CREBBP: variants seen among roughly 807,000 people sequenced by gnomAD.
The protein encoded by CREBBP is CREB-binding protein.
In CREBBP, 19 loss-of-function variants were observed where a neutral mutation model predicts 265.0. The ratio of observed to expected loss-of-function variants is 0.07; its 90% CI spans 0.05 to 0.11. The LOEUF (loss-of-function observed/expected upper bound fraction) is 0.11, where lower values mean the gene tolerates loss of function less well. Ranked by LOEUF, CREBBP falls within the 10% of genes least tolerant of loss-of-function variation. CREBBP has a pLI of 1.00. For missense variants in CREBBP, 2,525 were observed against 3,219.0 expected (o/e 0.78, Z 5.22); for synonymous variants, 1,457 against 1,223.7 (o/e 1.19, Z -3.98).
intron 2 of CREBBP, among the ~76,000 whole-genome samples, chr16:3,824,080 C>A (rs1363154121): frequency 6.6e-6 from 1 of 152,130 alleles, no homozygotes; most frequent in Non-Finnish European, 1.5e-5. Flanking sequence ...TTCTCCCAAG[C>A]CAAAGGTAAG....
intron 3 of CREBBP, among the ~76,000 whole-genome samples, chr16:3,795,646 T>G (rs1490770143): frequency 6.6e-6 from 1 of 152,150 alleles, no homozygotes; most frequent in Non-Finnish European, 1.5e-5. Flanking sequence ...AAATAAAGCT[T>G]CAGTAAGCAA....
At chr16:3,765,010 C>T (rs1157292570) in intron 16 of CREBBP, among the ~76,000 whole-genome samples, 5 of 151,206 alleles carry the variant, frequency 3.3e-5, no homozygotes, top group African/African-American at 1.2e-4. Context: ...GACGGCGTCT[C>T]GCTCTGTCTC....
At position 3,867,743 on chromosome 16, in the gene CREBBP, C is replaced by A. The variant is rs564069169; in HGVS notation, c.85+12089G>T. ...GACCAGCCTAGGCAACATAGGAAGA[C>A]CCCGTATCTCTACTAAAAAAAAAAA... On this transcript the variant is annotated intron_variant, in intron 1 of 30. Transcript: ENST00000262367. Among the ~76,000 whole-genome samples, 3 of 147,644 alleles carry A rather than the reference C, an allele frequency of 2.0e-5. No homozygotes were observed. In the South Asian group the frequency reaches 6.5e-4, roughly 32 times the overall value.
intron 2 of CREBBP, among the ~76,000 whole-genome samples, chr16:3,824,037 G>A (rs112286928): frequency 3.3e-5 from 5 of 152,000 alleles, no homozygotes; most frequent in African/African-American, 1.2e-4. Flanking sequence ...CAGGAGGGAG[G>A]TACTGTGCAG....
chr16:3,848,302 C>CT (rs1165059249), intron 2 of CREBBP, among the ~76,000 whole-genome samples: 5 of 152,116 alleles, frequency 3.3e-5, no homozygotes, highest in African/African-American at 1.2e-4. Flanking sequence ...TGTACAAAGT[C>CT]TAACTTCTAC....
chr16:3,757,814 G>A lies in CREBBP; in HGVS notation c.3604C>T (p.Arg1202Cys), dbSNP rs2052622140. Residue 1202 changes from arginine to cysteine, a missense_variant, in exon 18 of 31, where the codon CGC (arginine) becomes TGC (cysteine). Transcript: ENST00000262367. ...GGAAAAACTTAAAACTGTACCTTGCGTCCACAGCAATATCCAAGGGACTGC... is the reference window on the plus strand; with the variant it reads ...GGAAAAACTTAAAACTGTACCTTGCATCCACAGCAATATCCAAGGGACTGC... ...VMQSLGYCCG[R>C]KYEFSPQTLC... 1.9e-6 allele frequency: 3 copies of A among 1,613,918 alleles called. No homozygotes were observed. Among genetic ancestry groups the A allele is most frequent in the African/African-American group, 1.3e-5 (1 of 74,892 alleles).
At chr16:3,855,453 C>T (rs376389829) in intron 1 of CREBBP, among the ~76,000 whole-genome samples, 16 of 152,036 alleles carry the variant, frequency 1.1e-4, no homozygotes, top group African/African-American at 2.2e-4. Flanking sequence ...TTAGTAGAGA[C>T]GGGGTTTCGC....
intron 2 of CREBBP, among the ~76,000 whole-genome samples, chr16:3,830,244 A>G (rs2054316825): frequency 6.6e-6 from 1 of 152,068 alleles, no homozygotes. Flanking sequence ...TAAAAATACA[A>G]AAAAATAGCC....
intron 28 of CREBBP, 94 bp downstream of exon 28, chr16:3,735,942 G>A (rs1330734523): frequency 6.2e-7 from 1 of 1,605,560 alleles, no homozygotes; most frequent in African/African-American, 1.3e-5. Context: ...CACCACCACA[G>A]GAAGGACCTA....
intron 2 of CREBBP, among the ~76,000 whole-genome samples, chr16:3,822,633 T>A (rs368479392): frequency 1.1e-4 from 16 of 152,152 alleles, no homozygotes; most frequent in African/African-American, 3.9e-4. Flanking sequence ...AGAGGAGGAC[T>A]GCAGCAGCCA....
chr16:3,741,323 G>T (rs1048018222), intron 23 of CREBBP: 1 of 152,238 alleles, frequency 6.6e-6, no homozygotes, highest in African/African-American at 2.4e-5. Context: ...GATTTTAAAA[G>T]ATGTTTTCTT....
Position 3,727,871 on chromosome 16 carries a change from G to A in CREBBP, c.7176C>T (p.Ala2392=), listed in dbSNP as rs1306818400. ...SPHPGLAVTM[A]SSIDQGHLGN... ...CCAAGTGTCCCTGATCTATGGAGCT[G>A]GCCATGGTGACTGCGAGTCCGGGGT... Residue 2392 remains alanine (A), a synonymous_variant, in exon 31 of 31, where the codon GCC becomes GCT. Coordinates refer to ENST00000262367, the MANE Select transcript of CREBBP (RefSeq NM_004380.3). 2 of 1,613,924 alleles carry A rather than the reference G, an allele frequency of 1.2e-6. No individual in the cohort carries two copies. The highest frequency in any genetic ancestry group is 1.1e-5 in the South Asian group (1 of 91,078).
intron 5 of CREBBP, among the ~76,000 whole-genome samples, chr16:3,790,717 A>G (rs191877893): frequency 1.6e-3 from 246 of 152,090 alleles, no homozygotes; most frequent in Non-Finnish European, 2.7e-3. Context: ...AGGCCCCATT[A>G]CCCTGGCATT....
At chr16:3,788,338 G>A (rs2053433799) in intron 5 of CREBBP, among the ~76,000 whole-genome samples, 1 of 152,196 alleles carries the variant, frequency 6.6e-6, no homozygotes, top group Non-Finnish European at 1.5e-5. Flanking sequence ...AATATAAGAG[G>A]TCTCAAATGG....
At chr16:3,840,885 A>G (rs140770818) in intron 2 of CREBBP, 2 of 156,184 alleles carry the variant, frequency 1.3e-5, no homozygotes, top group East Asian at 3.8e-4. Flanking sequence ...CACTGGGCTT[A>G]AGGGAGTTCA....
chr16:3,776,875 G>A (rs1357039578), intron 11 of CREBBP, among the ~76,000 whole-genome samples: 2 of 151,950 alleles, frequency 1.3e-5, no homozygotes, highest in African/African-American at 4.8e-5. Flanking sequence ...AAAATTAGCT[G>A]GGCGTGGTGG....
intron 5 of CREBBP, among the ~76,000 whole-genome samples, chr16:3,787,263 A>T (rs574270039): frequency 3.9e-5 from 6 of 152,254 alleles, no homozygotes; most frequent in African/African-American, 1.4e-4. Context: ...CTGGAGACTC[A>T]GCCTCCTATC....
intron 2 of CREBBP, among the ~76,000 whole-genome samples, chr16:3,848,145 C>T (rs2054707914): frequency 6.7e-6 from 1 of 149,890 alleles, no homozygotes; most frequent in Admixed American, 6.7e-5. Context: ...ACTCCAGACA[C>T]TGGGCAACAG....
In CREBBP at chr16:3,771,917, T is replaced by A. The variant is rs1200579351; in HGVS notation, c.2464-931A>T. 2.0e-5 allele frequency among the ~76,000 whole-genome samples: 3 copies of A among 151,632 alleles called. No individual in the cohort carries two copies. The East Asian group carries it at 5.8e-4, about 30-fold the overall frequency. On this transcript the variant is annotated intron_variant, in intron 13 of 30. Transcript: ENST00000262367. Reference sequence around the variant, plus strand: ...CCTCCATCTCCCGGGTTCCAGTGATTCTCCTGCCTCAGCCTCCTCAGTAGC... The same window carrying A: ...CCTCCATCTCCCGGGTTCCAGTGATACTCCTGCCTCAGCCTCCTCAGTAGC...
Sources: allele counts gnomAD v4.1 joint callset (sites outside exome capture counted in the v4.1 genomes callset), GRCh38; gene constraint gnomAD v4.1.1; transcripts MANE v1.5; gene names NCBI Gene and HGNC (gene_info 2026-07-23, HGNC 2026-07-21).